The following TOM1L2 variants were observed in gnomAD, a reference collection of about 807,000 sequenced individuals.
The protein encoded by TOM1L2 is TOM1-like protein 2.
A neutral mutation model predicts 67.9 loss-of-function variants in TOM1L2; 31 were observed. The observed-to-expected ratio is 0.46, with a 90% confidence interval of 0.34 to 0.62. The LOEUF (loss-of-function observed/expected upper bound fraction) is 0.62, where lower values mean the gene tolerates loss of function less well. Among genes scored for constraint, TOM1L2 ranks in the 20% least tolerant of loss-of-function variants. The probability of loss-of-function intolerance (pLI) is 0.01; values close to 1 mark genes in which losing one functional copy is unlikely to be tolerated. For missense variants in TOM1L2, 606 were observed against 663.5 expected (o/e 0.91, Z 0.95); for synonymous variants, 256 against 254.0 (o/e 1.01, Z -0.07).
At chr17:17,951,670 G>A (rs774999748) in intron 1 of TOM1L2, among the ~76,000 whole-genome samples, 1 of 152,202 alleles carries the variant, frequency 6.6e-6, no homozygotes, top group African/African-American at 2.4e-5. Context: ...GGCAAGGGGA[G>A]GCCAAGGATG....
At chr17:17,864,771 CA>C (rs1422616407) in intron 10 of TOM1L2, among the ~76,000 whole-genome samples, 2 of 152,172 alleles carry the variant, frequency 1.3e-5, no homozygotes, top group Non-Finnish European at 2.9e-5. Flanking sequence ...CGCAGCCTCC[CA>C]AAGTCTTGGG....
At chr17:17,850,656 G>A (rs1168901103) in intron 13 of TOM1L2, among the ~76,000 whole-genome samples, 2 of 152,234 alleles carry the variant, frequency 1.3e-5, no homozygotes, top group Non-Finnish European at 2.9e-5. Context: ...GAAGGAGGCT[G>A]TGCCCAAGGC....
rs569488871 is a variant in TOM1L2, at chr17:17,948,566, G to A, written c.52+23696C>T. On this transcript the variant is annotated intron_variant, in intron 1 of 14. Transcript: ENST00000379504. ...ACTCGGGAGGCTAAGGCAGGAGAAT[G>A]ACTTGAACCCGGGAGGTGGAGGTTG... is the stretch of plus-strand genomic sequence containing the variant. 1.3e-5 allele frequency among the ~76,000 whole-genome samples: 2 copies of A among 152,192 alleles called. 1 individual carries two copies. The highest frequency in any genetic ancestry group is 1.3e-4 in the Admixed American group (2 of 15,292).
At chr17:17,903,166 C>G (rs1346313370) in intron 2 of TOM1L2, among the ~76,000 whole-genome samples, 2 of 152,194 alleles carry the variant, frequency 1.3e-5, no homozygotes, top group African/African-American at 4.8e-5. Context: ...TAGCTTCTCT[C>G]TCTCTCCCTG....
At chr17:17,945,479 A>C (rs2040905898) in intron 1 of TOM1L2, among the ~76,000 whole-genome samples, 1 of 152,238 alleles carries the variant, frequency 6.6e-6, no homozygotes, top group South Asian at 2.1e-4. Context: ...TACCAGGTGG[A>C]CTTCATCAGA....
intron 7 of TOM1L2, among the ~76,000 whole-genome samples, chr17:17,870,987 A>G (rs895346175): frequency 3.3e-5 from 5 of 152,354 alleles, no homozygotes; most frequent in Admixed American, 1.3e-4. Flanking sequence ...AAGCTCCTTG[A>G]GGGCAGAGAA....
chr17:17,876,150 C>G (rs966562883), intron 7 of TOM1L2, among the ~76,000 whole-genome samples: 18 of 152,204 alleles, frequency 1.2e-4, no homozygotes, highest in Admixed American at 1.1e-3. Flanking sequence ...TAATCGCAAT[C>G]TTTAAAGATC....
chr17:17,966,037 C>T (rs547270805), intron 1 of TOM1L2, among the ~76,000 whole-genome samples: 37 of 152,292 alleles, frequency 2.4e-4, no homozygotes, highest in African/African-American at 8.2e-4. Flanking sequence ...AGGAGAATCC[C>T]TTAAACCCAG....
chr17:17,963,675 ACCAGTGACAAAAAG>A lies in TOM1L2; in HGVS notation c.52+8573_52+8586del, dbSNP rs1300126365. On this transcript the variant is annotated intron_variant, in intron 1 of 14. Transcript: ENST00000379504. ...ATGTTAGCTTTCAAAGATGCTAAAT[ACCAGTGACAAAAAG>A]AGTGAATAACTATGAAGAATATACT... Among the ~76,000 whole-genome samples the A allele has an allele frequency of 6.6e-5, 10 of 152,354 alleles. No individual in the cohort carries two copies. The South Asian group carries it at 2.1e-3, about 32-fold the overall frequency.
intron 6 of TOM1L2, among the ~76,000 whole-genome samples, chr17:17,881,021 C>G (rs1220266212): frequency 1.3e-5 from 2 of 152,218 alleles, no homozygotes; most frequent in Non-Finnish European, 2.9e-5. Context: ...AGCAGCCTCT[C>G]CTGTGTGGGT....
chr17:17,927,367 A>T (rs752641018), intron 1 of TOM1L2, among the ~76,000 whole-genome samples: 1 of 152,200 alleles, frequency 6.6e-6, no homozygotes, highest in Non-Finnish European at 1.5e-5. Flanking sequence ...ACATGAGGCC[A>T]GCTGCAGAGG....
chr17:17,861,777 T>C, intron 11 of TOM1L2: 1 of 493,408 alleles, frequency 2.0e-6, no homozygotes. Context: ...GAGCCACTAA[T>C]CTCTGCGATC....
chr17:17,886,378 G>T (rs1439304000), intron 4 of TOM1L2, among the ~76,000 whole-genome samples: 1 of 152,226 alleles, frequency 6.6e-6, no homozygotes, highest in Non-Finnish European at 1.5e-5. Context: ...ATTCTGAGGA[G>T]GGCCAAAGAA....
chr17:17,914,884 A>C (rs1275347915), intron 1 of TOM1L2, among the ~76,000 whole-genome samples: 1 of 152,240 alleles, frequency 6.6e-6, no homozygotes, highest in Non-Finnish European at 1.5e-5. Context: ...TTAGGTAAAA[A>C]AAAATTTAAA....
At chr17:17,910,771 G>A (rs532690774) in intron 1 of TOM1L2, among the ~76,000 whole-genome samples, 6 of 152,060 alleles carry the variant, frequency 3.9e-5, no homozygotes, top group African/African-American at 7.2e-5. Context: ...GTTTCGGCAC[G>A]TTGGCCAGAC....
intron 1 of TOM1L2, among the ~76,000 whole-genome samples, chr17:17,926,110 G>A (rs1308071846): frequency 5.3e-5 from 8 of 151,288 alleles, no homozygotes; most frequent in African/African-American, 1.9e-4. Context: ...TGTCGAGGCC[G>A]CAGTGAGTTG....
chr17:17,889,730 CACAA>C (rs1292939507), intron 4 of TOM1L2, among the ~76,000 whole-genome samples: 2 of 152,212 alleles, frequency 1.3e-5, no homozygotes, highest in African/African-American at 4.8e-5. Context: ...ACCCCCAAGC[CACAA>C]ACAGTCAAAA....
intron 1 of TOM1L2, among the ~76,000 whole-genome samples, chr17:17,925,317 T>C (rs1347546037): frequency 6.6e-6 from 1 of 152,002 alleles, no homozygotes; most frequent in Non-Finnish European, 1.5e-5. Context: ...AGACACAAAA[T>C]TGATTTTTAA....
chr17:17,888,458 C>T (rs1303781924), intron 4 of TOM1L2, among the ~76,000 whole-genome samples: 2 of 152,202 alleles, frequency 1.3e-5, no homozygotes, highest in Non-Finnish European at 2.9e-5. Context: ...AAACTATGGG[C>T]TCTGGGATGC....
Sources: gnomAD v4.1 joint callset for allele counts (sites outside exome capture counted in the v4.1 genomes callset) on GRCh38, gnomAD v4.1.1 for gene constraint, MANE v1.5 for transcripts, NCBI Gene and HGNC (gene_info 2026-07-23, HGNC 2026-07-21) for gene names.